Variants in TASP1 observed in about 807,000 individuals in gnomAD.
TASP1 encodes the protein threonine aspartase 1.
Under a neutral mutation model 56.6 loss-of-function variants are expected in TASP1, and 16 were observed. That is an observed-to-expected ratio of 0.28 (90% CI 0.19 to 0.43). TASP1 has a LOEUF of 0.43. Among genes scored for constraint, TASP1 ranks in the 20% least tolerant of loss-of-function variants. The pLI, the probability that TASP1 is intolerant of heterozygous loss-of-function variation, is 1.00. For missense variants in TASP1, 393 were observed against 511.6 expected, an observed-to-expected ratio of 0.77 and a Z score of 2.24; for synonymous variants, 179 against 184.2, an observed-to-expected ratio of 0.97 and a Z score of 0.23.
intron 11 of TASP1, among the ~76,000 whole-genome samples, chr20:13,450,429 C>T (rs573806368): frequency 6.6e-6 from 1 of 152,192 alleles, no homozygotes; most frequent in South Asian, 2.1e-4. Context: ...GTAGAGCTTT[C>T]AAAATTAAAG....
At chr20:13,286,805 G>T in the TASP1 span, among the ~76,000 whole-genome samples, 18 of 152,338 alleles carry the variant, frequency 1.2e-4, no homozygotes, top group Admixed American at 7.2e-4. Context: ...AACATGTGTG[G>T]ACTACATTCC....
intron 7 of TASP1, among the ~76,000 whole-genome samples, chr20:13,566,831 G>A (rs2046546388): frequency 6.6e-6 from 1 of 152,198 alleles, no homozygotes; most frequent in South Asian, 2.1e-4. Context: ...GCTGGTGGAA[G>A]TGTAAATTAG....
the TASP1 span, among the ~76,000 whole-genome samples, chr20:13,309,786 G>A: frequency 6.6e-6 from 1 of 151,968 alleles, no homozygotes; most frequent in Admixed American, 6.6e-5. Context: ...AATCAGCAAT[G>A]TTTCTATAAG....
the TASP1 span, among the ~76,000 whole-genome samples, chr20:13,381,293 G>A: frequency 6.6e-6 from 1 of 152,154 alleles, no homozygotes. Context: ...CATCCCTCAC[G>A]GCACAGGTCC....
intron 10 of TASP1, among the ~76,000 whole-genome samples, chr20:13,512,812 C>A (rs1407531688): frequency 6.6e-6 from 1 of 152,180 alleles, no homozygotes; most frequent in Admixed American, 6.5e-5. Flanking sequence ...TTTCAGCCTT[C>A]TACATACAGC....
the TASP1 span, among the ~76,000 whole-genome samples, chr20:13,169,791 G>A: frequency 2.1e-4 from 32 of 152,210 alleles, no homozygotes; most frequent in East Asian, 5.6e-3. Flanking sequence ...TTTATGGCCA[G>A]TCTTTTCTTC....
At chr20:13,469,680 T>A (rs2044399450) in intron 11 of TASP1, among the ~76,000 whole-genome samples, 1 of 152,040 alleles carries the variant, frequency 6.6e-6, no homozygotes, top group South Asian at 2.1e-4. Flanking sequence ...ATTGTGATGG[T>A]TGTTTCTCAG....
At chr20:13,580,658 T>C (rs997726051) in intron 6 of TASP1, among the ~76,000 whole-genome samples, 2 of 150,450 alleles carry the variant, frequency 1.3e-5, no homozygotes, top group Non-Finnish European at 3.0e-5. Flanking sequence ...AATGTGTAAG[T>C]TTTTTTTAAG....
At chr20:13,316,748 A>G in the TASP1 span, among the ~76,000 whole-genome samples, 1 of 151,888 alleles carries the variant, frequency 6.6e-6, no homozygotes, top group African/African-American at 2.4e-5. Context: ...ATTATAAAAA[A>G]AAAAAACTTT....
At chr20:13,577,582 T>G (rs576505921) in intron 6 of TASP1, among the ~76,000 whole-genome samples, 3 of 152,108 alleles carry the variant, frequency 2.0e-5, no homozygotes, top group African/African-American at 4.8e-5. Context: ...ATGTTATTAG[T>G]GTCTTTATAA....
intron 4 of TASP1, among the ~76,000 whole-genome samples, chr20:13,603,260 AG>A (rs1315589910): frequency 6.6e-6 from 1 of 152,008 alleles, no homozygotes; most frequent in African/African-American, 2.4e-5. Flanking sequence ...AAAATGGGCC[AG>A]GCAGGGTGAC....
chr20:13,555,215 C>T (rs1156880253), intron 8 of TASP1, among the ~76,000 whole-genome samples: 1 of 151,836 alleles, frequency 6.6e-6, no homozygotes, highest in African/African-American at 2.4e-5. Flanking sequence ...GAAACCCCAT[C>T]TCTACTAAAA....
At chr20:13,284,516 C>T in the TASP1 span, among the ~76,000 whole-genome samples, 6 of 152,296 alleles carry the variant, frequency 3.9e-5, no homozygotes, top group African/African-American at 1.4e-4. Context: ...GGCAGTGGCC[C>T]CTGGTAGGTG....
At chr20:13,132,213 G>C in the TASP1 span, among the ~76,000 whole-genome samples, 1 of 117,170 alleles carries the variant, frequency 8.5e-6, no homozygotes, top group Non-Finnish European at 1.6e-5. Flanking sequence ...GTCTCACTCT[G>C]TCACCCAGGC....
At chr20:13,265,487 G>T in the TASP1 span, among the ~76,000 whole-genome samples, 29 of 152,178 alleles carry the variant, frequency 1.9e-4, no homozygotes, top group African/African-American at 6.7e-4. Context: ...AGCAATGGGG[G>T]CCTGTCAAGC....
the TASP1 span, among the ~76,000 whole-genome samples, chr20:13,220,786 A>C: frequency 6.6e-6 from 1 of 152,166 alleles, no homozygotes; most frequent in Admixed American, 6.5e-5. Context: ...CAGGGGTCGC[A>C]GGCAGACGCA....
At chr20:13,250,824 T>C in the TASP1 span, among the ~76,000 whole-genome samples, 1 of 152,196 alleles carries the variant, frequency 6.6e-6, no homozygotes, top group African/African-American at 2.4e-5. Flanking sequence ...TCAAAATGAA[T>C]CCCAGCTAAT....
At chr20:13,527,275 C>A (rs192407146) in intron 10 of TASP1, among the ~76,000 whole-genome samples, 19 of 152,186 alleles carry the variant, frequency 1.2e-4, no homozygotes, top group Admixed American at 7.9e-4. Flanking sequence ...GAAAGCAGGA[C>A]AAGAGGGCTA....
the TASP1 span, among the ~76,000 whole-genome samples, chr20:13,378,245 C>A: frequency 0.63 from 95,577 of 151,982 alleles, 30,327 homozygotes; most frequent in Non-Finnish European, 0.67. Context: ...ACTGCTTTAA[C>A]TGTGTCCCAG....
Sources: gnomAD v4.1 joint callset for allele counts (sites outside exome capture counted in the v4.1 genomes callset) on GRCh38, gnomAD v4.1.1 for gene constraint, MANE v1.5 for transcripts, NCBI Gene and HGNC (gene_info 2026-07-23, HGNC 2026-07-21) for gene names.